Variants in RMI1 observed in about 807,000 individuals in gnomAD.
RMI1 encodes the protein RecQ mediated genome instability 1.
A neutral mutation model predicts 46.7 loss-of-function variants in RMI1; 36 were observed. That is an observed-to-expected ratio of 0.77 (90% CI 0.59 to 1.02). RMI1 has a LOEUF of 1.02. Among genes scored for constraint, RMI1 ranks in the 50% least tolerant of loss-of-function variants. The pLI is 0.00. For missense variants in RMI1, 676 were observed against 713.7 expected, an observed-to-expected ratio of 0.95 and a Z score of 0.60; for synonymous variants, 250 against 252.9, an observed-to-expected ratio of 0.99 and a Z score of 0.11.
At chr9:83,988,155 A>G (rs1462361395) in intron 1 of RMI1, among the ~76,000 whole-genome samples, 3 of 152,166 alleles carry the variant, frequency 2.0e-5, no homozygotes, top group African/African-American at 7.2e-5. Flanking sequence ...AAGTGCTGGG[A>G]TTACAGGTGT....
At chr9:83,981,665 G>T (rs1005458177) in intron 1 of RMI1, among the ~76,000 whole-genome samples, 1 of 152,194 alleles carries the variant, frequency 6.6e-6, no homozygotes, top group Non-Finnish European at 1.5e-5. Context: ...AACTCATTTT[G>T]AAGCATAAAG....
At chr9:83,990,525 AC>A (rs1357754842) in intron 1 of RMI1, among the ~76,000 whole-genome samples, 2 of 151,424 alleles carry the variant, frequency 1.3e-5, no homozygotes, top group Admixed American at 6.6e-5. Context: ...AAAAAAAAAA[AC>A]AATTGGAATA....
rs1957746655 is a variant in RMI1, at chr9:84,002,091, G to A, written c.1105G>A (p.Gly369Arg). ...TNNFSLTCKNGNNNWSEKNVS... is the reference protein window; with the variant it reads ...TNNFSLTCKNRNNNWSEKNVS... ...TAACTTTTCTTTGACTTGCAAAAATGGAAACAATAATTGGAGTGAAAAAAA... is the reference window on the plus strand; with the variant it reads ...TAACTTTTCTTTGACTTGCAAAAATAGAAACAATAATTGGAGTGAAAAAAA... The change falls in exon 3 of 3, where the codon GGA becomes AGA. Residue 369 changes from glycine to arginine, a missense_variant. Physicochemically the swap from Gly to Arg is moderately radical, Grantham distance 125. Coordinates refer to ENST00000445877, the MANE Select transcript of RMI1 (RefSeq NM_001358291.2). 5 of 1,613,740 alleles carry A rather than the reference G, an allele frequency of 3.1e-6. No homozygotes were observed. Among genetic ancestry groups the A allele is most frequent in the Non-Finnish European group, 4.2e-6 (5 of 1,179,876 alleles).
intron 1 of RMI1, among the ~76,000 whole-genome samples, chr9:83,990,728 A>G (rs1482727329): frequency 6.6e-6 from 1 of 152,166 alleles, no homozygotes; most frequent in Non-Finnish European, 1.5e-5. Flanking sequence ...TGTACTCCAT[A>G]TATATGTAGG....
intron 1 of RMI1, among the ~76,000 whole-genome samples, chr9:83,982,537 A>G (rs1294252751): frequency 6.6e-6 from 1 of 152,054 alleles, no homozygotes; most frequent in East Asian, 1.9e-4. Context: ...GTGTGGTTGC[A>G]GGAGCCTGTA....
rs549336330 is a variant in RMI1 at position 84,002,409 on chromosome 9, G to T, written c.1423G>T (p.Glu475Ter). The T allele has an allele frequency of 6.2e-6, 10 of 1,613,218 alleles. No homozygotes were observed. Among genetic ancestry groups the T allele is most frequent in the Non-Finnish European group, 6.8e-6 (8 of 1,179,594 alleles). Reference sequence around the variant, plus strand: ...ACAGAGTTGTTCTTTAAGATCATCAGAGAATAGCATTAATCTTTCTATTGC... The same window carrying T: ...ACAGAGTTGTTCTTTAAGATCATCATAGAATAGCATTAATCTTTCTATTGC... The part of the protein sequence containing the change: ...NLQSCSLRSS[E>*]NSINLSIAMD... The change falls in exon 3 of 3, where the codon GAG becomes TAG. Residue 475 changes from glutamate to a stop codon, truncating the protein, a stop_gained. Coordinates refer to ENST00000445877, the MANE Select transcript of RMI1 (RefSeq NM_001358291.2). LOFTEE classifies it high-confidence loss of function.
Position 83,994,685 on chromosome 9 carries a change from A to G in RMI1, c.-125-5024A>G, listed in dbSNP as rs143213554. Among the ~76,000 whole-genome samples, 1,043 of 152,096 alleles carry G rather than the reference A, an allele frequency of 6.9e-3. 14 individuals are homozygous for G. The highest frequency in any genetic ancestry group is 0.024 in the African/African-American group (1,001 of 41,496). On this transcript the variant is annotated intron_variant, in intron 1 of 2. Coordinates refer to ENST00000445877, the MANE Select transcript of RMI1 (RefSeq NM_001358291.2). The stretch of plus-strand genomic sequence containing the variant: ...CAGAAGGTGACATCACACCTGGCTG[A>G]TTTTTGTATGTTTTGTAGAGATGGG...
rs542165013 is a variant in RMI1 at position 84,003,924 on chromosome 9, T to A, written c.*1060T>A. The A allele has an allele frequency of 6.0e-6, 1 of 166,440 alleles. No individual in the cohort carries two copies. Among genetic ancestry groups the A allele is most frequent in the African/African-American group, 2.4e-5 (1 of 41,366 alleles). 10.3% of individuals were successfully genotyped at this position (166,440 alleles called of 1,614,324 possible). A position where few individuals can be genotyped will look rare whatever the true frequency, so the allele number is the denominator to read the frequency against. On this transcript the variant is annotated 3_prime_UTR_variant, in exon 3 of 3. Transcript: ENST00000445877. ...TTTGGTTTTAAGTACTGATTTTTTTTTAAAAAAAAGAGGGACTGTTTACCA... is the reference window on the plus strand; with the variant it reads ...TTTGGTTTTAAGTACTGATTTTTTTATAAAAAAAAGAGGGACTGTTTACCA...
At chr9:83,986,485 A>T (rs1957492123) in intron 1 of RMI1, among the ~76,000 whole-genome samples, 1 of 152,170 alleles carries the variant, frequency 6.6e-6, no homozygotes, top group Non-Finnish European at 1.5e-5. Flanking sequence ...GATTAGCAGA[A>T]TTTATGTTCT....
chr9:83,999,260 G>A (rs1957704470), intron 1 of RMI1, among the ~76,000 whole-genome samples: 1 of 152,044 alleles, frequency 6.6e-6, no homozygotes, highest in South Asian at 2.1e-4. Flanking sequence ...AGTAGGCACT[G>A]TAAGTCTAAT....
In RMI1 at chr9:84,002,776, ATCCT is replaced by A. The variant is rs1957758941; in HGVS notation, c.1796_1799del (p.Ser599CysfsTer20). 1 of 1,612,916 alleles carries A rather than the reference ATCCT, an allele frequency of 6.2e-7. No individual in the cohort carries two copies. Among genetic ancestry groups the A allele is most frequent in the Non-Finnish European group, 8.5e-7 (1 of 1,179,038 alleles). On this transcript the variant is annotated frameshift_variant, in exon 3 of 3. Transcript: ENST00000445877. LOFTEE classifies it high-confidence loss of function. ...TGCTGTCTAATGACTATTTCATTTA[ATCCT>A]TCCTTGTCTAAAGCAATGGTACTGG...
chr9:83,983,889 G>A (rs1487632459), intron 1 of RMI1, among the ~76,000 whole-genome samples: 2 of 152,000 alleles, frequency 1.3e-5, no homozygotes, highest in African/African-American at 2.4e-5. Flanking sequence ...AAATGTGAAT[G>A]TATTTCTTTG....
rs1470129365 is a variant in RMI1 at position 83,997,260 on chromosome 9, C to T, written c.-125-2449C>T. 6.6e-5 allele frequency among the ~76,000 whole-genome samples: 10 copies of T among 151,792 alleles called. No homozygotes were observed. In the South Asian group the frequency reaches 8.3e-4, roughly 13 times the overall value. ...CTGAGTAGCTGGGATTACAGGCATG[C>T]GCCACCACACCCAGCTAATTTTGTA... On this transcript the variant is annotated intron_variant, in intron 1 of 2. Transcript: ENST00000445877.
chr9:83,984,323 G>A (rs1193753633), intron 1 of RMI1, among the ~76,000 whole-genome samples: 2 of 149,974 alleles, frequency 1.3e-5, no homozygotes, highest in African/African-American at 2.5e-5. Flanking sequence ...ATGCTGGAGT[G>A]CAGTGGCGCA....
intron 1 of RMI1, among the ~76,000 whole-genome samples, chr9:83,989,611 A>T (rs897409725): frequency 6.6e-6 from 1 of 151,966 alleles, no homozygotes; most frequent in Non-Finnish European, 1.5e-5. Flanking sequence ...GGGAAATGCA[A>T]ATCAAAACCA....
Position 84,002,869 on chromosome 9 carries a change from A to C in RMI1, c.*5A>C. 7.0e-7 allele frequency: 1 copy of C among 1,426,540 alleles called. No individual in the cohort carries two copies. The highest frequency in any genetic ancestry group is 9.5e-7 in the Non-Finnish European group (1 of 1,049,958). The allele number at this position is 1,426,540 out of a possible 1,614,324, so 88.4% of individuals were successfully genotyped here. A position where few individuals can be genotyped will look rare whatever the true frequency, so the allele number is the denominator to read the frequency against. ...AAGAAGCGGTTAAATAAATAATTAAACTAAAATAGTATTAGGAACAATTAA... is the reference window on the plus strand; with the variant it reads ...AAGAAGCGGTTAAATAAATAATTAACCTAAAATAGTATTAGGAACAATTAA... On this transcript the variant is annotated 3_prime_UTR_variant, in exon 3 of 3. Coordinates refer to ENST00000445877, the MANE Select transcript of RMI1 (RefSeq NM_001358291.2).
At chr9:83,985,742 C>T (rs551906145) in intron 1 of RMI1, among the ~76,000 whole-genome samples, 1 of 152,360 alleles carries the variant, frequency 6.6e-6, no homozygotes, top group African/African-American at 2.4e-5. Context: ...GGCGCGGTGG[C>T]TCACGCCTGT....
chr9:83,994,182 A>G (rs1957616616), intron 1 of RMI1, among the ~76,000 whole-genome samples: 1 of 152,160 alleles, frequency 6.6e-6, no homozygotes, highest in Non-Finnish European at 1.5e-5. Context: ...AGTTCTTTAC[A>G]TATTCTGGGT....
At position 84,002,527 on chromosome 9, in the gene RMI1, T is replaced by C; in HGVS notation, c.1541T>C (p.Ile514Thr). ...ACAACAGTGAAAGTGAAAGCATTTA[T>C]TGTAACCTTAACTGGAAATCTCTCA... The part of the protein sequence containing the change: ...EVTTVKVKAF[I>T]VTLTGNLSSS... The change falls in exon 3 of 3, where the codon ATT (isoleucine) becomes ACT (threonine). Residue 514 changes from isoleucine to threonine, a missense_variant. Transcript: ENST00000445877. 2 of 1,614,012 alleles carry C rather than the reference T, an allele frequency of 1.2e-6. No individual in the cohort carries two copies. The highest frequency in any genetic ancestry group is 2.2e-5 in the East Asian group (1 of 44,826).
Sources: allele counts gnomAD v4.1 joint callset (sites outside exome capture counted in the v4.1 genomes callset), GRCh38; gene constraint gnomAD v4.1.1; transcripts MANE v1.5; gene names NCBI Gene and HGNC (gene_info 2026-07-23, HGNC 2026-07-21).